FOXP2: variants seen among roughly 807,000 people sequenced by gnomAD.
FOXP2 encodes the protein forkhead box P2, also known as forkhead box protein P2.
Under a neutral mutation model 115.8 loss-of-function variants are expected in FOXP2, and 12 were observed. The ratio of observed to expected loss-of-function variants is 0.10; its 90% confidence interval spans 0.07 to 0.17. The LOEUF (loss-of-function observed/expected upper bound fraction) is 0.17, where lower values mean the gene tolerates loss of function less well. Ranked by LOEUF, FOXP2 falls within the 10% of genes least tolerant of loss-of-function variation. The pLI is 1.00. For synonymous variants in FOXP2, 328 were observed against 297.7 expected, an observed-to-expected ratio of 1.10 and a Z score of -1.05; for missense variants, 629 against 843.5, an observed-to-expected ratio of 0.75 and a Z score of 3.15.
At chr7:114,671,015 A>C (rs1262214862) in intron 16 of FOXP2, among the ~76,000 whole-genome samples, 1 of 151,930 alleles carries the variant, frequency 6.6e-6, no homozygotes, top group African/African-American at 2.4e-5. Context: ...TTTAATTAAC[A>C]ATTTTTCAGT....
chr7:114,300,546 A>G (rs1796854205), intron 2 of FOXP2, among the ~76,000 whole-genome samples: 1 of 152,052 alleles, frequency 6.6e-6, no homozygotes, highest in Non-Finnish European at 1.5e-5. Context: ...AAAATAAAAT[A>G]GAAAAAGTTC....
chr7:114,203,819 ATTTC>A lies in FOXP2; in HGVS notation c.-102+40734_-102+40737del, dbSNP rs143720957. On this transcript the variant is annotated intron_variant, in intron 1 of 17. Coordinates refer to the FOXP2 transcript ENST00000634411. Reference sequence around the variant, plus strand: ...TCTGGATTCTTTTCATATTTTCCTTATTTCTTCTTTATTTTGCTTCATTTCTTAA... The same window carrying A: ...TCTGGATTCTTTTCATATTTTCCTTATTCTTTATTTTGCTTCATTTCTTAA... 9.2e-3 allele frequency among the ~76,000 whole-genome samples: 1,393 copies of A among 151,936 alleles called. 14 individuals are homozygous for A. Among genetic ancestry groups the A allele is most frequent in the African/African-American group, 0.032 (1,326 of 41,448 alleles).
At chr7:114,512,854 C>T (rs1344582373) in intron 2 of FOXP2, among the ~76,000 whole-genome samples, 1 of 152,030 alleles carries the variant, frequency 6.6e-6, no homozygotes, top group Non-Finnish European at 1.5e-5. Context: ...GAGGCAGAGG[C>T]AGGTTGATCA....
intron 1 of FOXP2, among the ~76,000 whole-genome samples, chr7:114,129,992 T>C (rs1032589730): frequency 6.6e-6 from 1 of 152,108 alleles, no homozygotes. Flanking sequence ...CTTTTCTTGA[T>C]GGGAAAAACA....
intron 16 of FOXP2, chr7:114,665,866 G>A (rs1304983261): frequency 6.6e-6 from 1 of 151,940 alleles, no homozygotes; most frequent in Non-Finnish European, 1.5e-5. Context: ...GGTAGCTTGC[G>A]GCCTTTTACT....
chr7:114,254,441 A>T (rs1795545630), intron 1 of FOXP2, among the ~76,000 whole-genome samples: 2 of 152,204 alleles, frequency 1.3e-5, no homozygotes, highest in African/African-American at 4.8e-5. Flanking sequence ...AATCAGACAT[A>T]GATTTGGTCT....
At chr7:114,255,409 C>G (rs1795582621) in intron 1 of FOXP2, among the ~76,000 whole-genome samples, 1 of 152,180 alleles carries the variant, frequency 6.6e-6, no homozygotes, top group African/African-American at 2.4e-5. Context: ...CAGATGCAGG[C>G]AGGCCTCCTT....
Position 114,621,184 on chromosome 7 carries a change from A to G in FOXP2, c.259-7356A>G, listed in dbSNP as rs1804232507. 2.6e-5 allele frequency among the ~76,000 whole-genome samples: 4 copies of G among 152,060 alleles called. No homozygotes were observed. In the South Asian group the frequency reaches 8.3e-4, roughly 31 times the overall value. ...TGCAGTAATAGAATTTGCTTTGGTT[A>G]CACATTTTGGAGGAGCTAGTTTGTT... On this transcript the variant is annotated intron_variant, in intron 3 of 16. Transcript: ENST00000350908.
chr7:114,231,730 A>G (rs918046405), intron 1 of FOXP2, among the ~76,000 whole-genome samples: 2 of 152,224 alleles, frequency 1.3e-5, no homozygotes, highest in Middle Eastern at 3.2e-3. Flanking sequence ...AATAGGTTAA[A>G]GACTTAATGG....
chr7:114,549,199 T>C (rs1485682073), intron 3 of FOXP2, among the ~76,000 whole-genome samples: 1 of 152,220 alleles, frequency 6.6e-6, no homozygotes, highest in African/African-American at 2.4e-5. Flanking sequence ...CCAGTGATCA[T>C]TCATTTTGTT....
intron 7 of FOXP2, 112 bp from the exon 8 acceptor site, chr7:114,644,573 G>A (rs1472849324): frequency 1.2e-6 from 1 of 829,788 alleles, no homozygotes; most frequent in Admixed American, 1.9e-5. Context: ...GCTCTGAGCT[G>A]AATTGACCTG....
At chr7:114,645,461 A>T (rs994208819) in intron 8 of FOXP2, 3 of 152,046 alleles carry the variant, frequency 2.0e-5, no homozygotes, top group Non-Finnish European at 4.4e-5. Context: ...TTTTATTTTT[A>T]AAAAAATCAT....
intron 3 of FOXP2, among the ~76,000 whole-genome samples, chr7:114,559,082 A>G (rs1800615924): frequency 2.0e-5 from 3 of 152,202 alleles, no homozygotes; most frequent in African/African-American, 7.2e-5. Context: ...ACATGCATAC[A>G]AGTAAACAAA....
intron 3 of FOXP2, among the ~76,000 whole-genome samples, chr7:114,542,803 T>G (rs1799738888): frequency 6.6e-6 from 1 of 151,458 alleles, no homozygotes; most frequent in African/African-American, 2.4e-5. Flanking sequence ...TGTTTTTTTT[T>G]TTTTTGAGGC....
intron 3 of FOXP2, chr7:114,560,893 A>T (rs527886400): frequency 2.6e-5 from 4 of 152,220 alleles, no homozygotes; most frequent in Non-Finnish European, 4.4e-5. Flanking sequence ...AAAAAATAAT[A>T]GTAGACTTTA....
intron 1 of FOXP2, among the ~76,000 whole-genome samples, chr7:114,424,751 C>T (rs370755493): frequency 1.2e-4 from 18 of 151,454 alleles, no homozygotes; most frequent in Admixed American, 2.6e-4. Flanking sequence ...AAACACATTT[C>T]GCTCAAAAAT....
intron 3 of FOXP2, among the ~76,000 whole-genome samples, chr7:114,610,009 C>T (rs1803543893): frequency 6.6e-6 from 1 of 152,324 alleles, no homozygotes; most frequent in South Asian, 2.1e-4. Context: ...AACTATATTA[C>T]TTGCTGTCTG....
chr7:114,218,717 A>C (rs1341248673), intron 1 of FOXP2, among the ~76,000 whole-genome samples: 1 of 152,214 alleles, frequency 6.6e-6, no homozygotes. Flanking sequence ...ATGAAAGAAT[A>C]GTCTTCACTT....
intron 3 of FOXP2, among the ~76,000 whole-genome samples, chr7:114,591,518 A>G (rs1051420354): frequency 1.3e-5 from 2 of 152,022 alleles, no homozygotes; most frequent in African/African-American, 2.4e-5. Flanking sequence ...GTCAGATGGA[A>G]GCTATATAGC....
Sources: allele counts gnomAD v4.1 joint callset (sites outside exome capture counted in the v4.1 genomes callset), GRCh38; gene constraint gnomAD v4.1.1; transcripts MANE v1.5; gene names NCBI Gene and HGNC (gene_info 2026-07-23, HGNC 2026-07-21).